ASB14: variants seen among roughly 807,000 people sequenced by gnomAD.
ASB14 encodes ankyrin repeat and SOCS box protein 14.
Under a neutral mutation model 55.6 loss-of-function variants are expected in ASB14, and 63 were observed. That is an observed-to-expected ratio of 1.13 (90% confidence interval 0.92 to 1.40). The LOEUF (loss-of-function observed/expected upper bound fraction) is 1.40, where lower values mean the gene tolerates loss of function less well. Among genes scored for constraint, ASB14 ranks in the 40% most tolerant of loss-of-function variants. The pLI is 0.00. For missense variants in ASB14, 724 were observed against 710.4 expected (o/e 1.02, Z -0.22); for synonymous variants, 256 against 259.9 (o/e 0.98, Z 0.15).
chr3:57,284,533 A>G (rs2107626575), intron 5 of ASB14, among the ~76,000 whole-genome samples: 1 of 152,214 alleles, frequency 6.6e-6, no homozygotes, highest in Middle Eastern at 3.4e-3. Flanking sequence ...TTAACCCGGC[A>G]TTTTCCATGA....
intron 10 of ASB14, chr3:57,272,300 T>TTATC: frequency 6.6e-6 from 1 of 152,322 alleles, no homozygotes; most frequent in East Asian, 1.9e-4. Context: ...ATTAAAGCTA[T>TTATC]TATCTTGAAC....
In ASB14 at chr3:57,280,404, G is replaced by A. The variant is rs1214821240; in HGVS notation, c.785C>T (p.Pro262Leu). ...ILLEAASGGN[P>L]DAVALLLEYG... ...CTCCAGCAAGAGAGCCACAGCATCT[G>A]GATTTCCTCCACTTGCGGCTTCAAG... The change falls in exon 7 of 11, where the codon CCA becomes CTA. Residue 262 changes from proline to leucine, a missense_variant. Transcript: ENST00000487349. 3.9e-6 allele frequency: 6 copies of A among 1,551,344 alleles called. No individual in the cohort carries two copies. Among genetic ancestry groups the A allele is most frequent in the Non-Finnish European group, 4.4e-6 (5 of 1,146,820 alleles).
chr3:57,271,150 TAC>T (rs2060935780), intron 10 of ASB14: 1 of 152,602 alleles, frequency 6.6e-6, no homozygotes, highest in Non-Finnish European at 1.5e-5. Context: ...TTCTTTGATA[TAC>T]AGTTTTTTCT....
chr3:57,270,352 TA>T (rs1483214405), intron 10 of ASB14: 1 of 152,674 alleles, frequency 6.5e-6, no homozygotes, highest in Non-Finnish European at 1.5e-5. Context: ...TCAAGATTGA[TA>T]GAGCCCTTGG....
chr3:57,276,859 T>C, intron 9 of ASB14, 131 bp from the exon 10 acceptor site: 1 of 794,810 alleles, frequency 1.3e-6, no homozygotes, highest in Non-Finnish European at 2.0e-6. Flanking sequence ...AGGGAAACAG[T>C]TTTTCAGTTC....
rs543255867 is a variant in ASB14, at chr3:57,276,580, A to T, written c.1734T>A (p.Tyr578Ter). Reference sequence around the variant, plus strand: ...AGGTTCCTGTAAAAATTCCTTGTCCATAAAGGTCGTATTCTTTGTAAAGGA... The same window carrying T: ...AGGTTCCTGTAAAAATTCCTTGTCCTTAAAGGTCGTATTCTTTGTAAAGGA... ...AYVLYKEYDL[Y>*]GQGIFTGTW The change falls in exon 10 of 11, where the codon TAT (tyrosine) becomes TAA (stop). Residue 578 changes from tyrosine (Y) to a stop codon, truncating the protein, a stop_gained. Transcript: ENST00000487349. LOFTEE classifies it high-confidence loss of function. 3.7e-6 allele frequency: 6 copies of T among 1,612,078 alleles called. No individual in the cohort carries two copies. In the African/African-American group the frequency reaches 8.0e-5, roughly 22 times the overall value.
chr3:57,283,531 T>C, intron 5 of ASB14, 92 bp from the exon 6 acceptor site: 1 of 1,333,190 alleles, frequency 7.5e-7, no homozygotes. Context: ...TCTTAAGGAG[T>C]TCTTCCCACC....
chr3:57,276,210 T>G (rs1407918777), intron 10 of ASB14, among the ~76,000 whole-genome samples: 3 of 115,156 alleles, frequency 2.6e-5, no homozygotes, highest in Middle Eastern at 4.3e-3. Flanking sequence ...ACTATTTGGG[T>G]TTTTTTTTTT....
At chr3:57,291,381 G>A (rs907858340) in intron 2 of ASB14, among the ~76,000 whole-genome samples, 4 of 63,076 alleles carry the variant, frequency 6.3e-5, no homozygotes, top group East Asian at 2.0e-3. Flanking sequence ...TATCCAGGAC[G>A]ATTCTTCTTA....
rs918586112 is a variant in ASB14, at chr3:57,288,220, C to A, written c.245G>T (p.Gly82Val). The A allele has an allele frequency of 2.0e-6, 3 of 1,536,714 alleles. No homozygotes were observed. Among genetic ancestry groups the A allele is most frequent in the Non-Finnish European group, 2.6e-6 (3 of 1,146,458 alleles). ...HSAFGEADEI[G>V]WIPLHKAAVQ... is the part of the protein sequence containing the mutation. ...TGCAGCCTTATGCAGAGGAATCCAG[C>A]CTATCTCATCTGCTTCACCAAATGC... The change falls in exon 4 of 11, where the codon GGC becomes GTC. Residue 82 changes from glycine to valine, a missense_variant. Physicochemically the swap from Gly to Val is moderately radical, Grantham distance 109 (BLOSUM62 -3). Transcript: ENST00000487349.
chr3:57,268,447 AG>A lies in ASB14; in HGVS notation c.*1193del. 6.2e-7 allele frequency: 1 copy of A among 1,605,094 alleles called. No individual in the cohort carries two copies. The highest frequency in any genetic ancestry group is 8.5e-7 in the Non-Finnish European group (1 of 1,175,254). ...AAAGAAATAGAGAGAGTAAAAGAGA[AG>A]CAACAGAAAGAACTCAATAAACAAA... On this transcript the variant is annotated 3_prime_UTR_variant, in exon 11 of 11. Transcript: ENST00000487349.
intron 10 of ASB14, among the ~76,000 whole-genome samples, chr3:57,274,746 A>G (rs866563025): frequency 1.3e-5 from 2 of 152,138 alleles, no homozygotes; most frequent in Non-Finnish European, 2.9e-5. Flanking sequence ...AATTTAACGT[A>G]ACTGCCATCG....
At chr3:57,289,687 CT>C (rs34419265) in intron 2 of ASB14, among the ~76,000 whole-genome samples, 3,262 of 100,048 alleles carry the variant, frequency 0.033, 18 homozygotes, top group Middle Eastern at 0.1. Flanking sequence ...ACCTTCCATT[CT>C]TTTTTTTTTT....
intron 10 of ASB14, chr3:57,272,509 A>T (rs577558132): frequency 6.6e-6 from 1 of 152,356 alleles, no homozygotes; most frequent in South Asian, 2.1e-4. Context: ...CATTATATCT[A>T]GGAACCATAT....
chr3:57,268,659 G>A lies in ASB14; in HGVS notation c.*982C>T. ...AAGGGTCACATCTGTTTTTTGATATGATGTTTACATTATAGTTACGTTGAC... is the reference window on the plus strand; with the variant it reads ...AAGGGTCACATCTGTTTTTTGATATAATGTTTACATTATAGTTACGTTGAC... On this transcript the variant is annotated 3_prime_UTR_variant, in exon 11 of 11. Transcript: ENST00000487349. 1.0e-5 allele frequency: 6 copies of A among 578,538 alleles called. No homozygotes were observed. The highest frequency in any genetic ancestry group is 1.6e-5 in the Non-Finnish European group (6 of 376,086). The allele number at this position is 578,538 out of a possible 1,614,324, so 35.8% of individuals were successfully genotyped here. A position where few individuals can be genotyped will look rare whatever the true frequency, so the allele number is the denominator to read the frequency against.
intron 5 of ASB14, among the ~76,000 whole-genome samples, chr3:57,284,419 A>G (rs144241082): frequency 3.3e-4 from 51 of 152,292 alleles, no homozygotes; most frequent in South Asian, 6.2e-4. Context: ...GTGAGCCACT[A>G]ATCTCAGCCA....
At chr3:57,287,283 C>CA (rs1430071341) in intron 5 of ASB14, among the ~76,000 whole-genome samples, 1 of 152,184 alleles carries the variant, frequency 6.6e-6, no homozygotes, top group Non-Finnish European at 1.5e-5. Context: ...GGGAAAGCCC[C>CA]AGTGTCACTA....
In ASB14 at chr3:57,273,614, CTT is replaced by C. The variant is rs1442460929; in HGVS notation, c.*22+2912_*22+2913del. ...CAGCTAAAATGAAAAAAAAAAGTCA[CTT>C]TATTGGGAAAAGTTTGTTATAGAAG... is the stretch of plus-strand genomic sequence containing the variant. On this transcript the variant is annotated intron_variant, in intron 10 of 10. Transcript: ENST00000487349. 5 of 152,524 alleles carry C rather than the reference CTT, an allele frequency of 3.3e-5. No homozygotes were observed. The South Asian group carries it at 1.0e-3, about 32-fold the overall frequency. The allele number at this position is 152,524 out of a possible 1,614,324, so 9.4% of individuals were successfully genotyped here.
At chr3:57,283,123 T>G in intron 6 of ASB14, 71 bp downstream of exon 6, 4 of 1,496,482 alleles carry the variant, frequency 2.7e-6, no homozygotes, top group Non-Finnish European at 3.6e-6. Flanking sequence ...ATTTTGAAGC[T>G]CTCCATTAAG....
Sources: allele counts gnomAD v4.1 joint callset (sites outside exome capture counted in the v4.1 genomes callset), GRCh38; gene constraint gnomAD v4.1.1; transcripts MANE v1.5; gene names NCBI Gene and HGNC (gene_info 2026-07-23, HGNC 2026-07-21).